The following RAPGEF4 variants were observed in gnomAD, a reference collection of about 807,000 sequenced individuals.
The protein encoded by RAPGEF4 is Rap guanine nucleotide exchange factor 4, also known as RAP guanine-nucleotide-exchange factor (GEF) 4.
Under a neutral mutation model 147.9 loss-of-function variants are expected in RAPGEF4, and 66 were observed. The observed-to-expected ratio is 0.45, with a 90% CI of 0.37 to 0.55. The LOEUF (loss-of-function observed/expected upper bound fraction) is 0.55. RAPGEF4 is among the 20% of genes least tolerant of loss of function. RAPGEF4 has a pLI of 0.00. For missense variants in RAPGEF4, 1,071 were observed against 1,257.3 expected, an observed-to-expected ratio of 0.85 and a Z score of 2.24; for synonymous variants, 419 against 442.7, an observed-to-expected ratio of 0.95 and a Z score of 0.67.
At chr2:172,939,735 G>C (rs1252446954) in intron 6 of RAPGEF4, among the ~76,000 whole-genome samples, 2 of 152,028 alleles carry the variant, frequency 1.3e-5, no homozygotes, top group African/African-American at 4.8e-5. Flanking sequence ...TTTTCTTCTA[G>C]AAATTTTATA....
intron 4 of RAPGEF4, among the ~76,000 whole-genome samples, chr2:172,880,815 T>C (rs894081718): frequency 2.6e-5 from 4 of 152,192 alleles, no homozygotes; most frequent in Non-Finnish European, 5.9e-5. Flanking sequence ...GTTGCTAGGA[T>C]TCAAGAGATA....
At chr2:172,992,219 C>T (rs1692905826) in intron 15 of RAPGEF4, among the ~76,000 whole-genome samples, 1 of 152,242 alleles carries the variant, frequency 6.6e-6, no homozygotes, top group Non-Finnish European at 1.5e-5. Flanking sequence ...CTGTCACTTA[C>T]AAAACTATAA....
chr2:172,881,918 G>A (rs1696678683), intron 4 of RAPGEF4, among the ~76,000 whole-genome samples: 4 of 152,128 alleles, frequency 2.6e-5, no homozygotes, highest in African/African-American at 9.7e-5. Flanking sequence ...GTAAGGTAGG[G>A]GGACAGGCTC....
intron 5 of RAPGEF4, among the ~76,000 whole-genome samples, chr2:172,920,127 G>A (rs960612407): frequency 6.6e-6 from 1 of 152,226 alleles, no homozygotes; most frequent in African/African-American, 2.4e-5. Context: ...GAATGATACA[G>A]TTAACACCCT....
intron 2 of RAPGEF4, 108 bp from the exon 3 acceptor site, chr2:172,797,417 T>G (rs957761848): frequency 2.3e-5 from 18 of 773,594 alleles, no homozygotes; most frequent in Non-Finnish European, 3.4e-5. Flanking sequence ...GGAAGGGTGG[T>G]AAGCTCAGTT....
At chr2:172,916,032 G>A (rs1684039039) in intron 4 of RAPGEF4, among the ~76,000 whole-genome samples, 1 of 152,162 alleles carries the variant, frequency 6.6e-6, no homozygotes, top group African/African-American at 2.4e-5. Context: ...TGCTCAATAT[G>A]CACAAGTCCT....
chr2:172,921,138 A>G (rs2150049807), intron 5 of RAPGEF4, among the ~76,000 whole-genome samples: 2 of 151,150 alleles, frequency 1.3e-5, no homozygotes, highest in South Asian at 4.2e-4. Flanking sequence ...TTTTTTAGTC[A>G]GGGTCTCACT....
At chr2:173,046,471 G>T (rs547019607) in intron 29 of RAPGEF4, among the ~76,000 whole-genome samples, 2 of 152,258 alleles carry the variant, frequency 1.3e-5, no homozygotes, top group South Asian at 2.1e-4. Flanking sequence ...CTTCAGAGGG[G>T]CATACTGGCA....
chr2:172,933,231 G>A (rs1310373541), intron 6 of RAPGEF4, among the ~76,000 whole-genome samples: 2 of 152,130 alleles, frequency 1.3e-5, no homozygotes, highest in African/African-American at 4.8e-5. Flanking sequence ...GAAAGCTAGA[G>A]ATGATGGTGG....
chr2:172,756,010 T>G (rs1204318210), intron 1 of RAPGEF4, among the ~76,000 whole-genome samples: 1 of 152,224 alleles, frequency 6.6e-6, no homozygotes, highest in Non-Finnish European at 1.5e-5. Context: ...GCCAGCACTT[T>G]GTAGCCATGC....
At chr2:172,984,130 T>G (rs1195225628) in intron 11 of RAPGEF4, among the ~76,000 whole-genome samples, 1 of 152,128 alleles carries the variant, frequency 6.6e-6, no homozygotes, top group Non-Finnish European at 1.5e-5. Flanking sequence ...TTTACCTGAT[T>G]AGAGTATTTA....
intron 16 of RAPGEF4, among the ~76,000 whole-genome samples, chr2:172,999,956 T>A (rs761030805): frequency 2.6e-5 from 4 of 152,202 alleles, no homozygotes; most frequent in Non-Finnish European, 5.9e-5. Flanking sequence ...CCAAGTCAAG[T>A]CTCTGCTTTA....
chr2:172,741,832 T>C (rs965695679), intron 1 of RAPGEF4, among the ~76,000 whole-genome samples: 7 of 152,136 alleles, frequency 4.6e-5, no homozygotes, highest in East Asian at 3.9e-4. Context: ...TCTCCATGCC[T>C]GGCTAATTTT....
intron 3 of RAPGEF4, 25 bp from the exon 4 acceptor site, chr2:172,814,254 A>T (rs774078223): frequency 3.1e-6 from 5 of 1,612,488 alleles, no homozygotes; most frequent in Non-Finnish European, 2.5e-6. Flanking sequence ...TAATTTTCTA[A>T]TGACTAGTTT....
In RAPGEF4 at chr2:173,034,030, T is replaced by C; in HGVS notation, c.2700+66T>C. 3.4e-6 allele frequency: 5 copies of C among 1,482,750 alleles called. No individual in the cohort carries two copies. In the South Asian group the frequency reaches 5.0e-5, roughly 15 times the overall value. 91.8% of individuals were successfully genotyped at this position (1,482,750 alleles called of 1,614,324 possible). ...TTAATCCAATTTCTGATTAGCTGAA[T>C]TGAAGTTCTCATTTTGGAAATTTTA... is the stretch of plus-strand genomic sequence containing the variant. On this transcript the variant is annotated intron_variant, in intron 27 of 30. Coordinates refer to ENST00000397081, the MANE Select transcript of RAPGEF4 (RefSeq NM_007023.4).
intron 10 of RAPGEF4, among the ~76,000 whole-genome samples, chr2:172,969,359 C>A (rs1292923302): frequency 1.3e-5 from 2 of 152,238 alleles, no homozygotes; most frequent in African/African-American, 4.8e-5. Context: ...TGCAAGCAAT[C>A]ATTTAATCAC....
rs1163407718 is a variant in RAPGEF4 at position 173,030,101 on chromosome 2, C to T, written c.2559-63C>T. On this transcript the variant is annotated intron_variant, in intron 25 of 30. Transcript: ENST00000397081. Reference sequence around the variant, plus strand: ...TTAATGACTATCAGAAAATAGAACTCTAATTTTTTTTATCTCACACAGAAG... The same window carrying T: ...TTAATGACTATCAGAAAATAGAACTTTAATTTTTTTTATCTCACACAGAAG... 41 of 1,151,184 alleles carry T rather than the reference C, an allele frequency of 3.6e-5. No homozygotes were observed. In the East Asian group the frequency reaches 9.2e-4, roughly 26 times the overall value. The allele number at this position is 1,151,184 out of a possible 1,614,324, so 71.3% of individuals were successfully genotyped here.
intron 1 of RAPGEF4, among the ~76,000 whole-genome samples, chr2:172,776,586 C>T (rs748451778): frequency 2.0e-5 from 3 of 151,976 alleles, no homozygotes; most frequent in Non-Finnish European, 2.9e-5. Flanking sequence ...GTATTGTCTC[C>T]GAGGCTATTG....
At chr2:172,802,555 T>C (rs1687086878) in intron 3 of RAPGEF4, among the ~76,000 whole-genome samples, 2 of 152,218 alleles carry the variant, frequency 1.3e-5, no homozygotes, top group Non-Finnish European at 2.9e-5. Flanking sequence ...GTGGGAGTTA[T>C]AATTCAAGGT....
Sources: allele counts gnomAD v4.1 joint callset (sites outside exome capture counted in the v4.1 genomes callset), GRCh38; gene constraint gnomAD v4.1.1; transcripts MANE v1.5; gene names NCBI Gene and HGNC (gene_info 2026-07-23, HGNC 2026-07-21).